The following DAB1 variants were observed in gnomAD, a reference collection of about 807,000 sequenced individuals.
The protein encoded by DAB1 is disabled homolog 1.
A neutral mutation model predicts 64.6 loss-of-function variants in DAB1; 15 were observed. The observed-to-expected ratio is 0.23, with a 90% CI of 0.16 to 0.36. The LOEUF (loss-of-function observed/expected upper bound fraction) is 0.36, where lower values mean the gene tolerates loss of function less well. DAB1 is among the 10% of genes least tolerant of loss of function. DAB1 has a pLI of 1.00. For synonymous variants in DAB1, 235 were observed against 251.9 expected, an observed-to-expected ratio of 0.93 and a Z score of 0.64; for missense variants, 596 against 706.7, an observed-to-expected ratio of 0.84 and a Z score of 1.78.
Position 57,255,857 on chromosome 1 carries a change from T to G in DAB1, c.67+35107A>C, listed in dbSNP as rs61765656. Among the ~76,000 whole-genome samples the G allele has an allele frequency of 7.6e-3, 1,157 of 152,314 alleles. 29 individuals are homozygous for G. In the East Asian group the frequency reaches 0.079, roughly 10 times the overall value. ...ATATCTACTGATTAAGCATTAAACC[T>G]AAGATATCCTAAAATTACTGCATTC... On this transcript the variant is annotated intron_variant, in intron 2 of 14. Coordinates refer to ENST00000371236, the MANE Select transcript of DAB1 (RefSeq NM_001365792.1).
intron 6 of DAB1, among the ~76,000 whole-genome samples, chr1:57,805,668 C>T (rs1651327497): frequency 6.6e-6 from 1 of 152,184 alleles, no homozygotes; most frequent in South Asian, 2.1e-4. Context: ...GTCCTGACAT[C>T]ACCATTTGGA....
At chr1:57,910,709 C>T (rs1183564773) in intron 5 of DAB1, among the ~76,000 whole-genome samples, 2 of 152,174 alleles carry the variant, frequency 1.3e-5, no homozygotes, top group African/African-American at 2.4e-5. Context: ...AATAGATGCT[C>T]GTGTATGTTC....
At chr1:58,485,215 AAG>A (rs1172967409) in intron 3 of DAB1, among the ~76,000 whole-genome samples, 111 of 145,266 alleles carry the variant, frequency 7.6e-4, no homozygotes, top group African/African-American at 2.8e-3. Flanking sequence ...CTAAAAATAA[AAG>A]AGTCTACTAC....
chr1:57,764,497 T>C (rs928561033), intron 6 of DAB1, among the ~76,000 whole-genome samples: 1 of 152,182 alleles, frequency 6.6e-6, no homozygotes, highest in South Asian at 2.1e-4. Flanking sequence ...CCTCCTACAA[T>C]GATGAATATA....
intron 4 of DAB1, among the ~76,000 whole-genome samples, chr1:58,275,532 A>C (rs1250754895): frequency 6.6e-6 from 1 of 152,224 alleles, no homozygotes; most frequent in Non-Finnish European, 1.5e-5. Flanking sequence ...TCCAAAGAAT[A>C]TATACAAATG....
Position 58,454,446 on chromosome 1 carries a change from G to C in DAB1, n.257+51614C>G, listed in dbSNP as rs114012673. Reference sequence around the variant, plus strand: ...GCCTCCTAGAGCCAGACGCTTGCAGGAGTCGACCCAAACTCAGAGTTCACC... The same window carrying C: ...GCCTCCTAGAGCCAGACGCTTGCAGCAGTCGACCCAAACTCAGAGTTCACC... On this transcript the variant is annotated intron_variant and non_coding_transcript_variant, in intron 3 of 20. Coordinates refer to the DAB1 transcript ENST00000485760. 8.0e-3 allele frequency among the ~76,000 whole-genome samples: 1,215 copies of C among 152,228 alleles called. 20 individuals carry two copies. Among genetic ancestry groups the C allele is most frequent in the African/African-American group, 0.028 (1,158 of 41,512 alleles).
At chr1:57,629,877 G>C (rs988409761) in intron 7 of DAB1, among the ~76,000 whole-genome samples, 1 of 151,790 alleles carries the variant, frequency 6.6e-6, no homozygotes, top group Non-Finnish European at 1.5e-5. Flanking sequence ...TTACATTAAG[G>C]CTCCTCTCAG....
intron 7 of DAB1, among the ~76,000 whole-genome samples, chr1:57,594,543 A>G (rs1193358463): frequency 2.6e-5 from 4 of 152,164 alleles, no homozygotes; most frequent in Non-Finnish European, 5.9e-5. Context: ...AGACCAGCCA[A>G]CTAGGAGTCA....
chr1:57,496,950 T>A (rs1335092463), intron 7 of DAB1, among the ~76,000 whole-genome samples: 1 of 152,208 alleles, frequency 6.6e-6, no homozygotes, highest in Non-Finnish European at 1.5e-5. Flanking sequence ...CCAACCTCAC[T>A]TTCTACTGGC....
At chr1:57,445,783 T>C (rs1686115967) in intron 7 of DAB1, among the ~76,000 whole-genome samples, 1 of 152,202 alleles carries the variant, frequency 6.6e-6, no homozygotes, top group Non-Finnish European at 1.5e-5. Flanking sequence ...TTAAAACGCA[T>C]AGAATAAACC....
At chr1:57,771,190 G>C (rs2101830474) in intron 6 of DAB1, among the ~76,000 whole-genome samples, 1 of 152,242 alleles carries the variant, frequency 6.6e-6, no homozygotes, top group South Asian at 2.1e-4. Flanking sequence ...CAGCTGATAA[G>C]TGGCAGACTG....
In DAB1 at chr1:57,146,299, T is replaced by C. The variant is rs192517851; in HGVS notation, c.68-870A>G. ...CATAGTCTGAAATAAGATGAATACA[T>C]AGGAATTCAAACCCATCATTAACCT... On this transcript the variant is annotated intron_variant, in intron 2 of 14. Transcript: ENST00000371236. Among the ~76,000 whole-genome samples the C allele has an allele frequency of 4.1e-4, 62 of 152,342 alleles. 2 individuals carry two copies. In the East Asian group the frequency reaches 6.7e-3, roughly 17 times the overall value.
At chr1:58,237,354 C>T (rs1437414168) in intron 4 of DAB1, among the ~76,000 whole-genome samples, 1 of 152,116 alleles carries the variant, frequency 6.6e-6, no homozygotes, top group Non-Finnish European at 1.5e-5. Flanking sequence ...AGACATTTGC[C>T]ATATTCCAAG....
chr1:57,257,631 T>A (rs1669867951), intron 2 of DAB1, among the ~76,000 whole-genome samples: 1 of 152,188 alleles, frequency 6.6e-6, no homozygotes, highest in Admixed American at 6.5e-5. Context: ...CCCCCAAACT[T>A]GGTGGCCTAA....
chr1:58,351,524 T>C (rs886349548), intron 3 of DAB1, among the ~76,000 whole-genome samples: 1 of 151,756 alleles, frequency 6.6e-6, no homozygotes, highest in African/African-American at 2.4e-5. Flanking sequence ...TTCAAACACA[T>C]TGAATTGTGT....
intron 3 of DAB1, among the ~76,000 whole-genome samples, chr1:58,375,818 C>A (rs1008279350): frequency 2.1e-5 from 3 of 145,958 alleles, no homozygotes; most frequent in Non-Finnish European, 4.6e-5. Context: ...GTCCTGGACT[C>A]TTTTTGGTTG....
chr1:57,071,602 G>T lies in DAB1; in HGVS notation c.478C>A (p.Leu160Ile). The change falls in exon 6 of 15, where the codon CTC becomes ATC. Residue 160 changes from leucine to isoleucine, a missense_variant. Leu to Ile is a conservative substitution (Grantham distance 5). Around this residue, in one of 3 missense-constraint regions of DAB1, gnomAD observed 176 missense variants for 266.7 expected, o/e 0.66. Transcript: ENST00000371236. The part of the protein sequence containing the change: ...VILDLRDLFQ[L>I]IYELKQREEL... ...TCTCTTTGCTTCAATTCATAAATGAGTTGAAAGAGATCTCTCAAGTCCAGA... is the reference window on the plus strand; with the variant it reads ...TCTCTTTGCTTCAATTCATAAATGATTTGAAAGAGATCTCTCAAGTCCAGA... The T allele has an allele frequency of 6.2e-7, 1 of 1,613,122 alleles. No individual in the cohort carries two copies. Among genetic ancestry groups the T allele is most frequent in the Non-Finnish European group, 8.5e-7 (1 of 1,179,362 alleles).
intron 2 of DAB1, among the ~76,000 whole-genome samples, chr1:57,276,244 A>G (rs988446467): frequency 1.3e-5 from 2 of 152,240 alleles, no homozygotes; most frequent in Non-Finnish European, 2.9e-5. Flanking sequence ...ACATAATTTC[A>G]GAATCCTCTC....
rs562229983 is a variant in DAB1, at chr1:57,716,012, C to T, written n.552-66347G>A. ...TGCAACCTCTGCTCCTGCATTCAAA[C>T]GATTCTCCTGCCTCAGCCTCCTGAG... On this transcript the variant is annotated intron_variant and non_coding_transcript_variant, in intron 6 of 20. Coordinates refer to the DAB1 transcript ENST00000485760. Among the ~76,000 whole-genome samples the T allele has an allele frequency of 2.6e-5, 4 of 152,210 alleles. No homozygotes were observed. In the South Asian group the frequency reaches 6.2e-4, roughly 24 times the overall value.
Sources: allele counts gnomAD v4.1 joint callset (sites outside exome capture counted in the v4.1 genomes callset), GRCh38; gene constraint gnomAD v4.1.1; regional missense constraint gnomAD v4.1.1; transcripts MANE v1.5; gene names NCBI Gene and HGNC (gene_info 2026-07-23, HGNC 2026-07-21).